Variants in CNTN4 observed in about 807,000 individuals in gnomAD.
CNTN4 encodes the protein contactin 4.
In CNTN4, 77 loss-of-function variants were observed where a neutral mutation model predicts 122.5. The observed-to-expected ratio is 0.63, with a 90% CI of 0.52 to 0.76. The LOEUF is 0.76. CNTN4 is among the 30% of genes least tolerant of loss of function. The pLI, the probability that CNTN4 is intolerant of heterozygous loss-of-function variation, is 0.00. For missense variants in CNTN4, 1,256 were observed against 1,259.1 expected (o/e 1.00, Z 0.04); for synonymous variants, 512 against 447.0 (o/e 1.15, Z -1.83).
chr3:2,680,350 G>T (rs1244479409), intron 4 of CNTN4, among the ~76,000 whole-genome samples: 1 of 152,154 alleles, frequency 6.6e-6, no homozygotes, highest in Non-Finnish European at 1.5e-5. Flanking sequence ...AACAAGATGA[G>T]CAAGAGTCAG....
At chr3:2,554,540 G>GAA in intron 3 of CNTN4, among the ~76,000 whole-genome samples, 1 of 151,266 alleles carries the variant, frequency 6.6e-6, no homozygotes, top group East Asian at 1.9e-4. Flanking sequence ...CTTGAGAACA[G>GAA]AAAAAAAAAT....
rs559062057 is a variant in CNTN4, at chr3:2,987,365, G to A, written c.1359-980G>A. ...TTAAGCCAGGAGAGTGATATAATCGGATTTAAATTTTAAAAGATCATCTGG... is the reference window on the plus strand; with the variant it reads ...TTAAGCCAGGAGAGTGATATAATCGAATTTAAATTTTAAAAGATCATCTGG... On this transcript the variant is annotated intron_variant, in intron 13 of 24. Transcript: ENST00000418658. Among the ~76,000 whole-genome samples the A allele has an allele frequency of 5.3e-5, 8 of 152,350 alleles. No homozygotes were observed. The East Asian group carries it at 1.5e-3, about 29-fold the overall frequency.
At chr3:2,725,002 C>T (rs758000754) in intron 4 of CNTN4, among the ~76,000 whole-genome samples, 11 of 152,176 alleles carry the variant, frequency 7.2e-5, no homozygotes, top group Non-Finnish European at 1.2e-4. Flanking sequence ...TAATACATGA[C>T]AACTAAAGCG....
At chr3:2,944,831 G>A (rs2094657868) in intron 13 of CNTN4, among the ~76,000 whole-genome samples, 1 of 152,150 alleles carries the variant, frequency 6.6e-6, no homozygotes, top group South Asian at 2.1e-4. Flanking sequence ...ACACCTGCAG[G>A]GAAGTGAGAA....
chr3:2,737,994 A>C (rs1431646172), intron 5 of CNTN4, among the ~76,000 whole-genome samples: 1 of 152,236 alleles, frequency 6.6e-6, no homozygotes, highest in Non-Finnish European at 1.5e-5. Context: ...AGAAAGAGAC[A>C]AAGGGAAGCA....
chr3:2,125,319 C>T (rs2727911), intron 2 of CNTN4, among the ~76,000 whole-genome samples: 83,628 of 148,986 alleles, frequency 0.56, 23,363 homozygotes, highest in East Asian at 0.69. Flanking sequence ...GGCTGAGTAA[C>T]ATTCTATTCT....
At chr3:2,798,892 T>G (rs1234593243) in intron 6 of CNTN4, among the ~76,000 whole-genome samples, 1 of 152,180 alleles carries the variant, frequency 6.6e-6, no homozygotes, top group Non-Finnish European at 1.5e-5. Context: ...GGTAGTTCTA[T>G]TTTCAGTTCT....
chr3:3,055,319 G>T (rs2125922856), intron 24 of CNTN4, among the ~76,000 whole-genome samples: 1 of 152,278 alleles, frequency 6.6e-6, no homozygotes, highest in South Asian at 2.1e-4. Context: ...TCATTGCAGG[G>T]ATTGACATTT....
At chr3:2,858,090 T>C (rs2093635066) in intron 7 of CNTN4, among the ~76,000 whole-genome samples, 1 of 152,206 alleles carries the variant, frequency 6.6e-6, no homozygotes, top group African/African-American at 2.4e-5. Context: ...TGAGTGCCTG[T>C]TCCTCAGTGG....
rs1414848163 is a variant in CNTN4, at chr3:2,394,133, G to C, written c.-89+54900G>C. Reference sequence around the variant, plus strand: ...AAATTTTAGGCATATTAATGAACATGAATTTGCAGAGTGTGTCGTTTAAAA... The same window carrying C: ...AAATTTTAGGCATATTAATGAACATCAATTTGCAGAGTGTGTCGTTTAAAA... On this transcript the variant is annotated intron_variant, in intron 3 of 24. Coordinates refer to ENST00000418658, the MANE Select transcript of CNTN4 (RefSeq NM_175607.3). 8.6e-4 allele frequency among the ~76,000 whole-genome samples: 131 copies of C among 151,670 alleles called. 1 individual carries two copies. The highest frequency in any genetic ancestry group is 2.9e-3 in the African/African-American group (121 of 41,374).
At chr3:2,383,463 T>C (rs2046107930) in intron 3 of CNTN4, among the ~76,000 whole-genome samples, 1 of 152,158 alleles carries the variant, frequency 6.6e-6, no homozygotes. Flanking sequence ...TATTTATTTT[T>C]TCCATTTCAC....
Position 2,646,695 on chromosome 3 carries a change from C to T in CNTN4, c.55+75137C>T, listed in dbSNP as rs143510537. On this transcript the variant is annotated intron_variant, in intron 4 of 24. Transcript: ENST00000418658. Reference sequence around the variant, plus strand: ...AACAGGAATTAATTTTTTCATAGTTCTAAAAGCTAGAAGTCCAAGATCAAG... The same window carrying T: ...AACAGGAATTAATTTTTTCATAGTTTTAAAAGCTAGAAGTCCAAGATCAAG... Among the ~76,000 whole-genome samples, 15 of 152,262 alleles carry T rather than the reference C, an allele frequency of 9.9e-5. No homozygotes were observed. In the East Asian group the frequency reaches 2.7e-3, roughly 27 times the overall value.
chr3:2,635,581 C>T (rs749748767), intron 4 of CNTN4, among the ~76,000 whole-genome samples: 3 of 152,260 alleles, frequency 2.0e-5, no homozygotes, highest in South Asian at 2.1e-4. Flanking sequence ...TTCACAAGGG[C>T]GCCTTGAATG....
chr3:2,121,961 C>G (rs1436557679), intron 2 of CNTN4, among the ~76,000 whole-genome samples: 4 of 151,816 alleles, frequency 2.6e-5, no homozygotes, highest in Non-Finnish European at 4.4e-5. Context: ...GTCAGGAGAT[C>G]GAGACCACGG....
intron 6 of CNTN4, among the ~76,000 whole-genome samples, chr3:2,795,125 C>G (rs1047386779): frequency 8.5e-5 from 13 of 152,112 alleles, no homozygotes; most frequent in African/African-American, 3.1e-4. Flanking sequence ...TTATTATGGT[C>G]TGATAGTTTT....
At chr3:3,047,213 A>G (rs1372450456) in intron 23 of CNTN4, among the ~76,000 whole-genome samples, 1 of 152,058 alleles carries the variant, frequency 6.6e-6, no homozygotes, top group Non-Finnish European at 1.5e-5. Flanking sequence ...CATCAGACAG[A>G]TCAACGAGAC....
chr3:2,703,179 C>G (rs1457087953), intron 4 of CNTN4, among the ~76,000 whole-genome samples: 1 of 152,184 alleles, frequency 6.6e-6, no homozygotes. Context: ...GTGCATTTCA[C>G]AAGAGCAGAG....
At chr3:2,429,448 G>C (rs978583727) in intron 3 of CNTN4, among the ~76,000 whole-genome samples, 1 of 152,150 alleles carries the variant, frequency 6.6e-6, no homozygotes, top group Non-Finnish European at 1.5e-5. Context: ...TGGAAGCTTC[G>C]TCTCAGATGG....
chr3:2,926,438 C>T (rs2094474093), intron 13 of CNTN4, among the ~76,000 whole-genome samples: 1 of 152,100 alleles, frequency 6.6e-6, no homozygotes, highest in Non-Finnish European at 1.5e-5. Flanking sequence ...CATTAGCTTG[C>T]ACGAAATGGC....
Sources: gnomAD v4.1 joint callset for allele counts (sites outside exome capture counted in the v4.1 genomes callset) on GRCh38, gnomAD v4.1.1 for gene constraint, MANE v1.5 for transcripts, NCBI Gene and HGNC (gene_info 2026-07-23, HGNC 2026-07-21) for gene names.